The following OCA2 variants were observed in gnomAD, a reference collection of about 807,000 sequenced individuals.
The protein encoded by OCA2 is OCA2 melanosomal transmembrane protein.
A neutral mutation model predicts 100.2 loss-of-function variants in OCA2; 77 were observed. That is an observed-to-expected ratio of 0.77 (90% confidence interval 0.64 to 0.93). The LOEUF is 0.93. Ranked by LOEUF, OCA2 falls within the 40% of genes least tolerant of loss-of-function variation. The probability of loss-of-function intolerance (pLI) is 0.00; values close to 1 mark genes in which losing one functional copy is unlikely to be tolerated. For synonymous variants in OCA2, 432 were observed against 439.2 expected (o/e 0.98, Z 0.21); for missense variants, 1,062 against 1,089.1 (o/e 0.98, Z 0.35).
chr15:27,868,109 C>T (rs1349868712), intron 21 of OCA2, among the ~76,000 whole-genome samples: 3 of 152,216 alleles, frequency 2.0e-5, no homozygotes, highest in Non-Finnish European at 4.4e-5. Flanking sequence ...CAGAAGCTGA[C>T]ATGCAGCTTT....
chr15:28,009,082 C>G (rs909789003), intron 9 of OCA2, among the ~76,000 whole-genome samples: 1 of 152,242 alleles, frequency 6.6e-6, no homozygotes, highest in African/African-American at 2.4e-5. Context: ...GCCCATAGGG[C>G]TGGCGATTGC....
chr15:27,769,315 AGTTTT>A (rs1263396241), intron 23 of OCA2, among the ~76,000 whole-genome samples: 3 of 152,206 alleles, frequency 2.0e-5, no homozygotes, highest in Non-Finnish European at 2.9e-5. Context: ...ACACGCGTTT[AGTTTT>A]AAGTTAAAAA....
At chr15:27,742,176 G>T in the OCA2 span, among the ~76,000 whole-genome samples, 128 of 152,306 alleles carry the variant, frequency 8.4e-4, no homozygotes, top group African/African-American at 3.0e-3. Flanking sequence ...TGGGAGGAGA[G>T]AACACATGCC....
chr15:28,077,847 C>T (rs917260894), intron 2 of OCA2, among the ~76,000 whole-genome samples: 3 of 152,224 alleles, frequency 2.0e-5, no homozygotes, highest in Non-Finnish European at 2.9e-5. Flanking sequence ...TTTCGGAGAC[C>T]GAGGCAGGTG....
the OCA2 span, among the ~76,000 whole-genome samples, chr15:27,727,056 G>A: frequency 2.4e-4 from 36 of 152,336 alleles, no homozygotes; most frequent in African/African-American, 8.2e-4. Flanking sequence ...AATCATTAGG[G>A]CAAAGCTCAC....
chr15:27,804,168 T>C (rs557564786), intron 23 of OCA2, among the ~76,000 whole-genome samples: 1 of 152,326 alleles, frequency 6.6e-6, no homozygotes, highest in Non-Finnish European at 1.5e-5. Flanking sequence ...AAAAGGAATT[T>C]ATGGGTTCAT....
chr15:27,882,244 T>TA (rs958743906), intron 19 of OCA2, among the ~76,000 whole-genome samples: 3 of 152,130 alleles, frequency 2.0e-5, no homozygotes, highest in Admixed American at 2.0e-4. Flanking sequence ...TCTGGCAATG[T>TA]AAAAAAATTT....
intron 23 of OCA2, among the ~76,000 whole-genome samples, chr15:27,805,776 A>T (rs2033817182): frequency 6.6e-6 from 1 of 152,058 alleles, no homozygotes; most frequent in Admixed American, 6.5e-5. Flanking sequence ...CGCCCCCCAC[A>T]TCCAGGTGGT....
At chr15:27,970,210 G>C (rs916089701) in intron 14 of OCA2, among the ~76,000 whole-genome samples, 1 of 152,042 alleles carries the variant, frequency 6.6e-6, no homozygotes, top group African/African-American at 2.4e-5. Flanking sequence ...TTGCTAGCCA[G>C]TGCTGATCTG....
chr15:27,731,295 G>A, the OCA2 span, among the ~76,000 whole-genome samples: 39 of 152,166 alleles, frequency 2.6e-4, no homozygotes, highest in African/African-American at 7.7e-4. Context: ...AATGGATCTC[G>A]AATTTATAGT....
At chr15:27,931,899 T>C (rs1170675332) in intron 18 of OCA2, among the ~76,000 whole-genome samples, 1 of 152,182 alleles carries the variant, frequency 6.6e-6, no homozygotes, top group East Asian at 1.9e-4. Flanking sequence ...ACACTCCTGT[T>C]CATCTGGTCC....
At chr15:27,747,749 T>TA in the OCA2 span, among the ~76,000 whole-genome samples, 35,542 of 151,946 alleles carry the variant, frequency 0.23, 4,909 homozygotes, top group East Asian at 0.63. Context: ...TAATATCTAT[T>TA]AAAAAAAATG....
chr15:28,039,081 G>A (rs1472318461), intron 2 of OCA2, among the ~76,000 whole-genome samples: 1 of 152,136 alleles, frequency 6.6e-6, no homozygotes, highest in African/African-American at 2.4e-5. Context: ...ATTATATAAT[G>A]ATAAAAGAGT....
chr15:27,723,971 C>T, the OCA2 span, among the ~76,000 whole-genome samples: 115 of 152,274 alleles, frequency 7.6e-4, 1 homozygote, highest in African/African-American at 2.6e-3. Context: ...GCAGCCCTGC[C>T]GTCAGCTCCT....
At chr15:27,963,545 A>G (rs2040471928) in intron 15 of OCA2, among the ~76,000 whole-genome samples, 1 of 152,148 alleles carries the variant, frequency 6.6e-6, no homozygotes, top group South Asian at 2.1e-4. Context: ...AAATAAAAAG[A>G]TGCATTATAA....
intron 3 of OCA2, among the ~76,000 whole-genome samples, chr15:28,028,381 G>T (rs918410478): frequency 6.6e-6 from 1 of 152,316 alleles, no homozygotes; most frequent in Non-Finnish European, 1.5e-5. Context: ...TTTCAGCGTT[G>T]GCTTTTTCAC....
chr15:27,771,386 T>TAACAAAA (rs2031843275), intron 23 of OCA2, among the ~76,000 whole-genome samples: 1 of 131,652 alleles, frequency 7.6e-6, no homozygotes, highest in African/African-American at 2.9e-5. Context: ...GAGAGAAGCC[T>TAACAAAA]AAAAAAAAAA....
the OCA2 span, among the ~76,000 whole-genome samples, chr15:27,734,604 T>C: frequency 6.6e-6 from 1 of 152,180 alleles, no homozygotes; most frequent in Non-Finnish European, 1.5e-5. Flanking sequence ...GTGTGGGGCT[T>C]CAGGGCTGTG....
intron 2 of OCA2, among the ~76,000 whole-genome samples, chr15:28,076,954 CA>C (rs1006107843): frequency 1.1e-4 from 16 of 147,680 alleles, no homozygotes; most frequent in African/African-American, 4.0e-4. Context: ...TTTTGAGATA[CA>C]AAAAAAATTG....
Sources: allele counts gnomAD v4.1 joint callset (sites outside exome capture counted in the v4.1 genomes callset), GRCh38; gene constraint gnomAD v4.1.1; transcripts MANE v1.5; gene names NCBI Gene and HGNC (gene_info 2026-07-23, HGNC 2026-07-21).